The following ZBTB38 variants were observed in gnomAD, a reference collection of about 807,000 sequenced individuals.
ZBTB38 encodes the protein zinc finger and BTB domain containing 38.
A neutral mutation model predicts 76.8 loss-of-function variants in ZBTB38; 20 were observed. That is an observed-to-expected ratio of 0.26 (90% CI 0.18 to 0.38). ZBTB38 has a LOEUF of 0.38. Ranked by LOEUF, ZBTB38 falls within the 10% of genes least tolerant of loss-of-function variation. The pLI, the probability that ZBTB38 is intolerant of heterozygous loss-of-function variation, is 1.00. For missense variants in ZBTB38, 1,082 were observed against 1,482.3 expected (o/e 0.73, Z 4.43); for synonymous variants, 504 against 544.2 (o/e 0.93, Z 1.03).
chr3:141,370,835 A>G (rs1944438249), intron 2 of ZBTB38, among the ~76,000 whole-genome samples: 1 of 152,068 alleles, frequency 6.6e-6, no homozygotes, highest in South Asian at 2.1e-4. Flanking sequence ...ATTGTGACAG[A>G]ATTCTGCTCC....
intron 1 of ZBTB38, among the ~76,000 whole-genome samples, chr3:141,357,616 G>A (rs147577611): frequency 0.017 from 2,510 of 152,102 alleles, 38 homozygotes; most frequent in South Asian, 0.056. Context: ...TGCAAGTTCC[G>A]GCTCCGGGGT....
intron 4 of ZBTB38, chr3:141,402,681 C>G (rs1011896103): frequency 6.8e-6 from 1 of 146,748 alleles, no homozygotes. Flanking sequence ...GGCCCGCGCC[C>G]GGAGCGGGGC....
intron 5 of ZBTB38, among the ~76,000 whole-genome samples, chr3:141,415,988 A>G (rs1229897405): frequency 1.3e-5 from 2 of 152,190 alleles, no homozygotes; most frequent in Admixed American, 6.5e-5. Context: ...GTGTATCAGT[A>G]TAAAAACGAG....
intron 5 of ZBTB38, among the ~76,000 whole-genome samples, chr3:141,423,958 G>A (rs1245240052): frequency 6.6e-6 from 1 of 152,170 alleles, no homozygotes; most frequent in Non-Finnish European, 1.5e-5. Context: ...AGATCGGAGA[G>A]GTAATGAGGC....
In ZBTB38 at chr3:141,442,372, C is replaced by A; in HGVS notation, c.1-17C>A. ...CCTGTGGAAGATTATCTGACCATTT[C>A]TCTCCTCTTGTTTCAGATGACAGTC... On this transcript the variant is annotated splice_polypyrimidine_tract_variant and intron_variant, in intron 5 of 5. Transcript: ENST00000321464. The surrounding 1 kb of genome is among the most constrained non-coding windows in gnomAD (Gnocchi z 6.4). 3 of 1,580,266 alleles carry A rather than the reference C, an allele frequency of 1.9e-6. No individual in the cohort carries two copies. Among genetic ancestry groups the A allele is most frequent in the Non-Finnish European group, 1.7e-6 (2 of 1,155,986 alleles).
At chr3:141,402,296 T>C (rs952541747) in intron 4 of ZBTB38, 4 of 151,822 alleles carry the variant, frequency 2.6e-5, no homozygotes, top group African/African-American at 9.7e-5. Flanking sequence ...GGCTGCGTCC[T>C]CTGCCCCGCG....
chr3:141,401,031 G>C (rs1951767639), intron 4 of ZBTB38, among the ~76,000 whole-genome samples: 2 of 152,136 alleles, frequency 1.3e-5, no homozygotes, highest in African/African-American at 4.8e-5. Flanking sequence ...GGAGGTCTTT[G>C]AGTAATTTTC....
intron 1 of ZBTB38, among the ~76,000 whole-genome samples, chr3:141,353,890 C>T (rs1444764987): frequency 2.0e-5 from 3 of 152,126 alleles, no homozygotes; most frequent in Non-Finnish European, 4.4e-5. Context: ...TCTAGTTGTT[C>T]CTCCGGCAAG....
chr3:141,344,621 G>T (rs567468651), intron 1 of ZBTB38, among the ~76,000 whole-genome samples: 1 of 152,104 alleles, frequency 6.6e-6, no homozygotes, highest in Non-Finnish European at 1.5e-5. Flanking sequence ...TGATCCTCCT[G>T]CCTTGGCCTC....
chr3:141,442,320 GA>G lies in ZBTB38; in HGVS notation c.1-65del, dbSNP rs1291202039. 1 of 1,188,288 alleles carries G rather than the reference GA, an allele frequency of 8.4e-7. No homozygotes were observed. The highest frequency in any genetic ancestry group is 1.2e-6 in the Non-Finnish European group (1 of 836,104). The allele number at this position is 1,188,288 out of a possible 1,614,324, so 73.6% of individuals were successfully genotyped here. A position where few individuals can be genotyped will look rare whatever the true frequency, so the allele number is the denominator to read the frequency against. On this transcript the variant is annotated intron_variant, in intron 5 of 5. Transcript: ENST00000321464. This position sits in a 1 kb window ranked among gnomAD's most constrained non-coding sequence, Gnocchi z 6.4. ...AAAAGAACAGTTTTTCACAGAAGTGGAAAATAGTCTAGAGATAAAGAAGCCA... is the reference window on the plus strand; with the variant it reads ...AAAAGAACAGTTTTTCACAGAAGTGGAAATAGTCTAGAGATAAAGAAGCCA...
At chr3:141,405,829 T>C (rs1276835594) in intron 5 of ZBTB38, 1 of 152,152 alleles carries the variant, frequency 6.6e-6, no homozygotes, top group South Asian at 2.1e-4. Flanking sequence ...TCAGACTCTG[T>C]TGAGGAAAGA....
upstream of ZBTB38, chr3:141,366,706 G>A (rs1332884569): frequency 6.6e-6 from 1 of 152,162 alleles, no homozygotes; most frequent in Admixed American, 6.5e-5. Flanking sequence ...TCTGTGACCT[G>A]ACACCCCACC....
chr3:141,414,207 A>G (rs2073376952), intron 5 of ZBTB38, among the ~76,000 whole-genome samples: 1 of 152,242 alleles, frequency 6.6e-6, no homozygotes, highest in African/African-American at 2.4e-5. Flanking sequence ...GCAAGTGGTT[A>G]GATTGTGGCA....
intron 5 of ZBTB38, among the ~76,000 whole-genome samples, chr3:141,425,140 A>G (rs1266988931): frequency 6.6e-6 from 1 of 152,212 alleles, no homozygotes; most frequent in Non-Finnish European, 1.5e-5. Flanking sequence ...TAGCCACTGT[A>G]CCAGACTGGA....
At chr3:141,414,761 C>T (rs749207441) in intron 5 of ZBTB38, among the ~76,000 whole-genome samples, 44 of 152,192 alleles carry the variant, frequency 2.9e-4, no homozygotes, top group Non-Finnish European at 4.9e-4. Context: ...ACAGCAGATA[C>T]GTCCTGGTGT....
chr3:141,404,274 C>T (rs768745395), intron 5 of ZBTB38, among the ~76,000 whole-genome samples: 14 of 152,166 alleles, frequency 9.2e-5, no homozygotes, highest in Non-Finnish European at 2.1e-4. Context: ...CAGCAATTGT[C>T]GTGGGGTCTT....
chr3:141,436,060 A>G (rs190226019), intron 5 of ZBTB38, among the ~76,000 whole-genome samples: 1 of 152,200 alleles, frequency 6.6e-6, no homozygotes, highest in East Asian at 1.9e-4. Flanking sequence ...CTTTTTCTGA[A>G]ATCTATTGGG....
chr3:141,385,096 G>A (rs1353002998), intron 3 of ZBTB38, among the ~76,000 whole-genome samples: 1 of 152,182 alleles, frequency 6.6e-6, no homozygotes, highest in Admixed American at 6.5e-5. Context: ...GAGCTTCAAT[G>A]TGTTGCTAAC....
In ZBTB38 at chr3:141,407,123, T is replaced by G. The variant is rs571309162; in HGVS notation, c.-1+3092T>G. ...ATTAAAGAATATCCCTTAATAGAAT[T>G]GAGTCCTTTAAAAAATACATTTCTG... On this transcript the variant is annotated intron_variant, in intron 5 of 5. Transcript: ENST00000321464. 1.1e-4 allele frequency among the ~76,000 whole-genome samples: 17 copies of G among 152,324 alleles called. No homozygotes were observed. The South Asian group carries it at 3.3e-3, about 30-fold the overall frequency.
Sources: gnomAD v4.1 joint callset for allele counts (sites outside exome capture counted in the v4.1 genomes callset) on GRCh38, gnomAD v4.1.1 for gene constraint, Gnocchi (gnomAD v3.1) non-coding constraint, MANE v1.5 for transcripts, NCBI Gene and HGNC (gene_info 2026-07-23, HGNC 2026-07-21) for gene names.